The following THSD7A variants were observed in gnomAD, a reference collection of about 807,000 sequenced individuals.
The protein encoded by THSD7A is thrombospondin type 1 domain containing 7A, also known as thrombospondin type-1 domain-containing protein 7A.
In THSD7A, 96 loss-of-function variants were observed where a neutral mutation model predicts 231.3. That is an observed-to-expected ratio of 0.41 (90% CI 0.35 to 0.49). The LOEUF is 0.49. Ranked by LOEUF, THSD7A falls within the 20% of genes least tolerant of loss-of-function variation. The pLI is 0.05. For synonymous variants in THSD7A, 940 were observed against 743.3 expected, an observed-to-expected ratio of 1.26 and a Z score of -4.30; for missense variants, 2,290 against 2,070.2, an observed-to-expected ratio of 1.11 and a Z score of -2.06.
chr7:11,552,045 C>A (rs1223463870), intron 4 of THSD7A, among the ~76,000 whole-genome samples: 1 of 152,056 alleles, frequency 6.6e-6, no homozygotes, highest in Non-Finnish European at 1.5e-5. Flanking sequence ...GGCCATTATC[C>A]TTATTCAAAT....
At chr7:11,664,288 A>G (rs570614577) in intron 1 of THSD7A, among the ~76,000 whole-genome samples, 1 of 151,892 alleles carries the variant, frequency 6.6e-6, no homozygotes, top group Admixed American at 6.6e-5. Flanking sequence ...TAAAATCTAC[A>G]GCAGTGCGAA....
At chr7:11,529,991 C>T (rs946311264) in intron 6 of THSD7A, among the ~76,000 whole-genome samples, 2 of 152,092 alleles carry the variant, frequency 1.3e-5, no homozygotes, top group African/African-American at 4.8e-5. Context: ...AAACAGGTCT[C>T]ATTTCACAGA....
chr7:11,770,660 A>C (rs1024988047), intron 1 of THSD7A, among the ~76,000 whole-genome samples: 1 of 152,204 alleles, frequency 6.6e-6, no homozygotes, highest in Non-Finnish European at 1.5e-5. Flanking sequence ...GGTAGGATTC[A>C]CAACCAATTC....
intron 1 of THSD7A, among the ~76,000 whole-genome samples, chr7:11,725,743 T>A (rs1327211124): frequency 6.6e-6 from 1 of 152,090 alleles, no homozygotes; most frequent in South Asian, 2.1e-4. Flanking sequence ...GATTTAAACA[T>A]ACGCAGTTGT....
At chr7:11,622,345 TA>T (rs1182085621) in intron 2 of THSD7A, among the ~76,000 whole-genome samples, 1 of 152,108 alleles carries the variant, frequency 6.6e-6, no homozygotes, top group Non-Finnish European at 1.5e-5. Flanking sequence ...CTAATTATTT[TA>T]AGGCCATTAT....
chr7:11,791,728 T>C (rs914795145), intron 1 of THSD7A, among the ~76,000 whole-genome samples: 9 of 152,088 alleles, frequency 5.9e-5, no homozygotes, highest in African/African-American at 1.4e-4. Context: ...TCTTCTTTCA[T>C]AGAAGAAAAT....
Position 11,492,658 on chromosome 7 carries a change from AT to A in THSD7A, c.1823-10677del, listed in dbSNP as rs564540846. The stretch of plus-strand genomic sequence containing the variant: ...TCTAAGGCAGTGAAATCTGAACAAT[AT>A]TTGGAGAGAACTGAAGCTAAGTGCT... On this transcript the variant is annotated intron_variant, in intron 6 of 27. Coordinates refer to ENST00000423059, the MANE Select transcript of THSD7A (RefSeq NM_015204.3). Among the ~76,000 whole-genome samples, 28 of 152,174 alleles carry A rather than the reference AT, an allele frequency of 1.8e-4. No homozygotes were observed. In the East Asian group the frequency reaches 4.1e-3, roughly 22 times the overall value.
chr7:11,827,501 C>G (rs919661455), intron 1 of THSD7A, among the ~76,000 whole-genome samples: 1 of 152,122 alleles, frequency 6.6e-6, no homozygotes, highest in Non-Finnish European at 1.5e-5. Context: ...CCGTCTTCAT[C>G]TAGTGTATCT....
At position 11,590,470 on chromosome 7, in the gene THSD7A, C is replaced by T; in HGVS notation, c.1443G>A (p.Lys481=). 1 of 1,610,430 alleles carries T rather than the reference C, an allele frequency of 6.2e-7. No homozygotes were observed. Among genetic ancestry groups the T allele is most frequent in the South Asian group, 1.1e-5 (1 of 90,426 alleles). Residue 481 remains lysine (K), a synonymous_variant, in exon 4 of 28, where the codon AAG becomes AAA. Coordinates refer to ENST00000423059, the MANE Select transcript of THSD7A (RefSeq NM_015204.3). The surrounding 1 kb of genome is among the most constrained non-coding windows in gnomAD (Gnocchi z 4.4). ...ENLLSQLSTH[K]NKEASKPMDL... ...GAAAGCAAAGGTTACCTTCTTTGTT[C>T]TTGTGGGTACTTAATTGTGAGAGGA...
chr7:11,471,887 C>T (rs1440479087), intron 8 of THSD7A, among the ~76,000 whole-genome samples: 1 of 152,070 alleles, frequency 6.6e-6, no homozygotes, highest in African/African-American at 2.4e-5. Flanking sequence ...ATTGTCAGCA[C>T]TTTTGTTCAA....
At chr7:11,578,414 TC>T (rs1357892004) in intron 4 of THSD7A, among the ~76,000 whole-genome samples, 2 of 152,262 alleles carry the variant, frequency 1.3e-5, no homozygotes, top group Admixed American at 6.5e-5. Context: ...GTCCAGGAAG[TC>T]AACATCCTCT....
At chr7:11,630,470 T>A (rs1337143564) in intron 2 of THSD7A, among the ~76,000 whole-genome samples, 2 of 152,210 alleles carry the variant, frequency 1.3e-5, no homozygotes, top group Non-Finnish European at 2.9e-5. Context: ...TAGAGGTTAT[T>A]ATAATATTCA....
At chr7:11,470,555 T>G (rs1361115410) in intron 8 of THSD7A, among the ~76,000 whole-genome samples, 1 of 151,840 alleles carries the variant, frequency 6.6e-6, no homozygotes, top group Non-Finnish European at 1.5e-5. Context: ...ATAATAAAAC[T>G]GTATAAATCA....
chr7:11,534,744 C>T (rs1373992991), intron 6 of THSD7A, among the ~76,000 whole-genome samples: 1 of 152,146 alleles, frequency 6.6e-6, no homozygotes, highest in Non-Finnish European at 1.5e-5. Flanking sequence ...TAAAGGGAAT[C>T]AAAGAAGCAA....
At chr7:11,770,084 G>T (rs1429497798) in intron 1 of THSD7A, among the ~76,000 whole-genome samples, 1 of 151,770 alleles carries the variant, frequency 6.6e-6, no homozygotes, top group Non-Finnish European at 1.5e-5. Flanking sequence ...TTAATTCTGT[G>T]ATCTTTATGT....
intron 9 of THSD7A, among the ~76,000 whole-genome samples, chr7:11,462,809 G>T (rs1419982602): frequency 6.6e-6 from 1 of 152,186 alleles, no homozygotes; most frequent in East Asian, 1.9e-4. Context: ...TAACTCTAAA[G>T]TATGTTAAAA....
At chr7:11,509,558 C>G (rs917833334) in intron 6 of THSD7A, among the ~76,000 whole-genome samples, 1 of 151,768 alleles carries the variant, frequency 6.6e-6, no homozygotes, top group Non-Finnish European at 1.5e-5. Flanking sequence ...TAAGGCCGGG[C>G]GCGGTGGCTC....
chr7:11,637,199 T>C lies in THSD7A; in HGVS notation c.191-238A>G, dbSNP rs1373594747. ...CTGGGACAATTTCACTTTGGGTCCTTTAGGGATTACGAAAAGTTTGGTTTT... is the reference window on the plus strand; with the variant it reads ...CTGGGACAATTTCACTTTGGGTCCTCTAGGGATTACGAAAAGTTTGGTTTT... On this transcript the variant is annotated intron_variant, in intron 1 of 27. Coordinates refer to ENST00000423059, the MANE Select transcript of THSD7A (RefSeq NM_015204.3). This position sits in a 1 kb window ranked among gnomAD's most constrained non-coding sequence, Gnocchi z 4.2. Among the ~76,000 whole-genome samples the C allele has an allele frequency of 6.6e-6, 1 of 152,198 alleles. No individual in the cohort carries two copies. The highest frequency in any genetic ancestry group is 2.4e-5 in the African/African-American group (1 of 41,444).
chr7:11,519,736 A>G (rs979149279), intron 6 of THSD7A, among the ~76,000 whole-genome samples: 1 of 152,190 alleles, frequency 6.6e-6, no homozygotes, highest in Non-Finnish European at 1.5e-5. Context: ...CTGACAGACT[A>G]ATACCGATTT....
Sources: allele counts gnomAD v4.1 joint callset (sites outside exome capture counted in the v4.1 genomes callset), GRCh38; gene constraint gnomAD v4.1.1; non-coding constraint Gnocchi (gnomAD v3.1); transcripts MANE v1.5; gene names NCBI Gene and HGNC (gene_info 2026-07-23, HGNC 2026-07-21).